The following FER variants were observed in gnomAD, a reference collection of about 807,000 sequenced individuals.
The protein encoded by FER is FER tyrosine kinase.
A neutral mutation model predicts 111.0 loss-of-function variants in FER; 63 were observed. That is an observed-to-expected ratio of 0.57 (90% confidence interval 0.46 to 0.70). The LOEUF (loss-of-function observed/expected upper bound fraction) is 0.70, where lower values mean the gene tolerates loss of function less well. FER is among the 30% of genes least tolerant of loss of function. FER has a pLI of 0.00. For missense variants in FER, 914 were observed against 954.0 expected, an observed-to-expected ratio of 0.96 and a Z score of 0.55; for synonymous variants, 327 against 313.9, an observed-to-expected ratio of 1.04 and a Z score of -0.44.
chr5:108,961,146 T>C (rs1302196748), intron 13 of FER, among the ~76,000 whole-genome samples: 1 of 152,192 alleles, frequency 6.6e-6, no homozygotes. Flanking sequence ...TCAATTCCAG[T>C]ATATATCAGT....
intron 16 of FER, chr5:109,051,958 A>C (rs977102505): frequency 6.3e-7 from 1 of 1,590,294 alleles, no homozygotes; most frequent in South Asian, 1.1e-5. Flanking sequence ...CAGCAAGGTC[A>C]CCTCAAAGAT....
chr5:108,894,201 A>G lies in FER; in HGVS notation c.1047-3458A>G, dbSNP rs562849989. On this transcript the variant is annotated intron_variant, in intron 9 of 19. Transcript: ENST00000281092. Reference sequence around the variant, plus strand: ...ATAGCTGTTCTCTATTATTCCTCTCATCCACTCATCCCTTAAAAAACCCCA... The same window carrying G: ...ATAGCTGTTCTCTATTATTCCTCTCGTCCACTCATCCCTTAAAAAACCCCA... The G allele has an allele frequency of 2.2e-3, 490 of 224,648 alleles. 3 individuals are homozygous for G. Among genetic ancestry groups the G allele is most frequent in the Non-Finnish European group, 2.2e-3 (253 of 113,030 alleles). The allele number at this position is 224,648 out of a possible 1,614,324, so 13.9% of individuals were successfully genotyped here.
chr5:109,148,109 A>G (rs576968956), intron 17 of FER, among the ~76,000 whole-genome samples: 1 of 152,052 alleles, frequency 6.6e-6, no homozygotes, highest in African/African-American at 2.4e-5. Context: ...GTGCATGTAG[A>G]TTTTATAATC....
At chr5:108,938,359 T>C (rs1251465704) in intron 10 of FER, among the ~76,000 whole-genome samples, 1 of 152,010 alleles carries the variant, frequency 6.6e-6, no homozygotes, top group Non-Finnish European at 1.5e-5. Context: ...GGAAAAAAGT[T>C]GTTTTAGACA....
Position 109,190,560 on chromosome 5 carries a change from C to G in FER, c.*2985C>G, listed in dbSNP as rs1759309247. 6.6e-6 allele frequency: 1 copy of G among 152,074 alleles called. No individual in the cohort carries two copies. The highest frequency in any genetic ancestry group is 1.5e-5 in the Non-Finnish European group (1 of 68,000). 9.4% of individuals were successfully genotyped at this position (152,074 alleles called of 1,614,324 possible). A position where few individuals can be genotyped will look rare whatever the true frequency, so the allele number is the denominator to read the frequency against. On this transcript the variant is annotated 3_prime_UTR_variant, in exon 20 of 20. Transcript: ENST00000281092. ...AACATTTATTACCAACATGTGAAAC[C>G]TAAAATTAATTTTGCATTCCATGTA...
rs534948925 is a variant in FER, at chr5:109,077,809, A to T, written c.1925-22587A>T. On this transcript the variant is annotated intron_variant, in intron 16 of 19. Transcript: ENST00000281092. ...CAATTAATATTATTGCTGGTTTTTT[A>T]AAATGTTTTTAAATTGGACAAAGCA... 3.9e-5 allele frequency among the ~76,000 whole-genome samples: 6 copies of T among 152,322 alleles called. No individual in the cohort carries two copies. In the South Asian group the frequency reaches 8.3e-4, roughly 21 times the overall value.
intron 17 of FER, among the ~76,000 whole-genome samples, chr5:109,162,910 A>G (rs1006778702): frequency 1.6e-4 from 25 of 152,056 alleles, no homozygotes; most frequent in South Asian, 1.2e-3. Flanking sequence ...GTACAGTTTG[A>G]TGAGTCTTGC....
chr5:109,186,055 T>C, intron 18 of FER, 145 bp from the exon 19 acceptor site: 2 of 1,152,716 alleles, frequency 1.7e-6, no homozygotes, highest in South Asian at 2.8e-5. Flanking sequence ...AGCTCCATTA[T>C]ACTGGGACCA....
intron 9 of FER, among the ~76,000 whole-genome samples, chr5:108,883,850 T>A (rs1183214596): frequency 6.6e-6 from 1 of 151,982 alleles, no homozygotes; most frequent in African/African-American, 2.4e-5. Flanking sequence ...AGACCCATTG[T>A]GAATTCCCCT....
At chr5:109,003,543 C>G (rs909321405) in intron 13 of FER, among the ~76,000 whole-genome samples, 1 of 151,900 alleles carries the variant, frequency 6.6e-6, no homozygotes, top group Non-Finnish European at 1.5e-5. Flanking sequence ...GTGCAGCACA[C>G]CAGCATGGCA....
intron 13 of FER, among the ~76,000 whole-genome samples, chr5:108,965,080 C>G (rs1025782983): frequency 2.6e-5 from 4 of 152,076 alleles, no homozygotes; most frequent in African/African-American, 9.7e-5. Flanking sequence ...CTGGAATACT[C>G]ACTGTTAAGG....
Position 108,922,525 on chromosome 5 carries a change from A to G in FER, c.1237-23605A>G, listed in dbSNP as rs558263867. Among the ~76,000 whole-genome samples, 27 of 152,302 alleles carry G rather than the reference A, an allele frequency of 1.8e-4. 1 individual carries two copies. The East Asian group carries it at 5.0e-3, about 28-fold the overall frequency. ...TTTGACTGTAAGCACTGATTTCAAC[A>G]CATTTAATGTTGAAAATTGCTTCCA... On this transcript the variant is annotated intron_variant, in intron 10 of 19. Transcript: ENST00000281092.
rs144854940 is a variant in FER at position 108,967,268 on chromosome 5, T to C, written c.1656+7921T>C. Among the ~76,000 whole-genome samples, 751 of 152,280 alleles carry C rather than the reference T, an allele frequency of 4.9e-3. 3 individuals carry two copies. The highest frequency in any genetic ancestry group is 0.017 in the African/African-American group (708 of 41,544). ...GTGATGAGGGCAGAGAATAATTTTA[T>C]TGAGCAACAAAACGGCTCTCAGCAG... On this transcript the variant is annotated intron_variant, in intron 13 of 19. Transcript: ENST00000281092.
intron 12 of FER, 94 bp from the exon 13 acceptor site, chr5:108,959,131 A>G: frequency 1.6e-6 from 2 of 1,281,500 alleles, no homozygotes; most frequent in Non-Finnish European, 2.2e-6. Context: ...GTGCAATTAT[A>G]GTTTTTTTAA....
chr5:109,071,040 C>T (rs1775706518), intron 16 of FER, among the ~76,000 whole-genome samples: 1 of 152,010 alleles, frequency 6.6e-6, no homozygotes, highest in East Asian at 1.9e-4. Context: ...GTGAATGTTC[C>T]AAATTCGTGT....
chr5:108,815,992 A>T (rs1395368913), intron 3 of FER, among the ~76,000 whole-genome samples: 2 of 152,132 alleles, frequency 1.3e-5, no homozygotes, highest in Non-Finnish European at 2.9e-5. Flanking sequence ...GGATCACCTG[A>T]GGCCACAAAT....
intron 2 of FER, among the ~76,000 whole-genome samples, chr5:108,780,025 A>G (rs1331035131): frequency 1.3e-5 from 2 of 152,200 alleles, no homozygotes; most frequent in African/African-American, 2.4e-5. Flanking sequence ...GCTATTTTGA[A>G]CAAATGCTTA....
At position 109,187,424 on chromosome 5, in the gene FER, G is replaced by GGTCTTCAGGATACCGGAT; in HGVS notation, c.2327-5_2339dup. ...TCTAAATTCTGTTCTCCTTCTCTTG[G>GGTCTTCAGGATACCGGAT]GTCTTCAGGATACCGGATGTCAGCT... On this transcript the variant is annotated splice_polypyrimidine_tract_variant and intron_variant, in intron 19 of 19. Transcript: ENST00000281092. 2 of 1,610,312 alleles carry GGTCTTCAGGATACCGGAT rather than the reference G, an allele frequency of 1.2e-6. No homozygotes were observed. Among genetic ancestry groups the GGTCTTCAGGATACCGGAT allele is most frequent in the Non-Finnish European group, 1.7e-6 (2 of 1,178,404 alleles).
intron 17 of FER, among the ~76,000 whole-genome samples, chr5:109,115,335 G>A (rs773148424): frequency 5.9e-5 from 9 of 152,064 alleles, no homozygotes; most frequent in African/African-American, 1.9e-4. Flanking sequence ...ATAGGTTGGC[G>A]ATGGTGGGTG....
Sources: allele counts gnomAD v4.1 joint callset (sites outside exome capture counted in the v4.1 genomes callset), GRCh38; gene constraint gnomAD v4.1.1; transcripts MANE v1.5; gene names NCBI Gene and HGNC (gene_info 2026-07-23, HGNC 2026-07-21).